SGCZ: variants seen among roughly 807,000 people sequenced by gnomAD.
SGCZ encodes the protein zeta-sarcoglycan.
A neutral mutation model predicts 41.3 loss-of-function variants in SGCZ; 40 were observed. That is an observed-to-expected ratio of 0.97 (90% CI 0.75 to 1.26). The LOEUF (loss-of-function observed/expected upper bound fraction) is 1.26. Ranked by LOEUF, SGCZ falls within the 50% of genes most tolerant of loss-of-function variation. The pLI is 0.00. For synonymous variants in SGCZ, 206 were observed against 137.5 expected (o/e 1.50, Z -3.49); for missense variants, 552 against 369.8 (o/e 1.49, Z -4.04).
At chr8:15,237,378 G>C (rs1418031697) in intron 1 of SGCZ, among the ~76,000 whole-genome samples, 1 of 152,184 alleles carries the variant, frequency 6.6e-6, no homozygotes, top group East Asian at 1.9e-4. Flanking sequence ...GCCCAGCCCG[G>C]GAGTGCAGCC....
chr8:14,136,753 T>A (rs1268281469), intron 5 of SGCZ, among the ~76,000 whole-genome samples: 3 of 152,062 alleles, frequency 2.0e-5, no homozygotes, highest in Admixed American at 6.5e-5. Context: ...AGCAGAAACT[T>A]CTGCAGACTT....
chr8:14,255,709 A>G (rs1799439344), intron 3 of SGCZ, among the ~76,000 whole-genome samples: 1 of 152,134 alleles, frequency 6.6e-6, no homozygotes, highest in South Asian at 2.1e-4. Flanking sequence ...TTAATGAATG[A>G]AAGAGGTTCA....
At chr8:15,219,374 C>A (rs1315607792) in intron 1 of SGCZ, among the ~76,000 whole-genome samples, 1 of 152,120 alleles carries the variant, frequency 6.6e-6, no homozygotes, top group Non-Finnish European at 1.5e-5. Flanking sequence ...TCAATATAAT[C>A]CATACATGTT....
At chr8:15,109,879 T>C (rs896265064) in intron 1 of SGCZ, among the ~76,000 whole-genome samples, 1 of 152,122 alleles carries the variant, frequency 6.6e-6, no homozygotes, top group Non-Finnish European at 1.5e-5. Flanking sequence ...AATAAGGCAA[T>C]CTCTTTATGG....
intron 3 of SGCZ, among the ~76,000 whole-genome samples, chr8:14,295,437 A>G (rs1244841482): frequency 4.6e-5 from 7 of 152,186 alleles, no homozygotes; most frequent in Admixed American, 4.6e-4. Flanking sequence ...AATACAGAGT[A>G]TAATTTACAA....
At chr8:14,302,424 G>T (rs1221173049) in intron 3 of SGCZ, among the ~76,000 whole-genome samples, 2 of 152,098 alleles carry the variant, frequency 1.3e-5, no homozygotes, top group Non-Finnish European at 2.9e-5. Context: ...AGACATAAAT[G>T]AATCAATTTT....
intron 4 of SGCZ, among the ~76,000 whole-genome samples, chr8:14,219,889 T>A (rs1234980572): frequency 1.3e-5 from 2 of 152,226 alleles, no homozygotes; most frequent in African/African-American, 2.4e-5. Flanking sequence ...ACCAGTAGGA[T>A]GCAGAAAATG....
At chr8:14,380,039 T>C (rs1480842090) in intron 2 of SGCZ, among the ~76,000 whole-genome samples, 1 of 152,148 alleles carries the variant, frequency 6.6e-6, no homozygotes, top group African/African-American at 2.4e-5. Flanking sequence ...GCCAAGAATG[T>C]TGTTTTAATC....
At chr8:14,616,065 C>T (rs1469811025) in intron 1 of SGCZ, among the ~76,000 whole-genome samples, 6 of 152,030 alleles carry the variant, frequency 3.9e-5, no homozygotes, top group Admixed American at 3.3e-4. Flanking sequence ...GGGCAGATCA[C>T]GAGGTCAAGA....
chr8:14,253,690 T>G (rs996100213), intron 3 of SGCZ, among the ~76,000 whole-genome samples: 1 of 152,136 alleles, frequency 6.6e-6, no homozygotes, highest in Non-Finnish European at 1.5e-5. Flanking sequence ...CACATGTAAC[T>G]GAGCTATGTC....
intron 4 of SGCZ, among the ~76,000 whole-genome samples, chr8:14,226,779 C>T (rs1806387386): frequency 6.6e-6 from 1 of 152,030 alleles, no homozygotes; most frequent in South Asian, 2.1e-4. Flanking sequence ...AACAGGGAAA[C>T]TGTGTTTTTA....
chr8:14,553,859 A>G (rs1803948406), intron 2 of SGCZ, among the ~76,000 whole-genome samples: 1 of 152,100 alleles, frequency 6.6e-6, no homozygotes, highest in South Asian at 2.1e-4. Context: ...CTGAGGATGC[A>G]GAGTTCTAAA....
At chr8:14,267,461 G>C (rs1041626792) in intron 3 of SGCZ, among the ~76,000 whole-genome samples, 1 of 152,024 alleles carries the variant, frequency 6.6e-6, no homozygotes, top group African/African-American at 2.4e-5. Context: ...TAGTGAACTG[G>C]ACATTAATGG....
At chr8:14,762,536 G>T (rs2130360982) in intron 1 of SGCZ, among the ~76,000 whole-genome samples, 1 of 152,250 alleles carries the variant, frequency 6.6e-6, no homozygotes, top group East Asian at 1.9e-4. Context: ...GAATAGGGAG[G>T]TTTATTACAC....
chr8:14,727,499 A>G (rs1351399717), intron 1 of SGCZ, among the ~76,000 whole-genome samples: 1 of 151,658 alleles, frequency 6.6e-6, no homozygotes, highest in Non-Finnish European at 1.5e-5. Flanking sequence ...GAGAAATGAA[A>G]GCATGTACAA....
chr8:14,551,526 TATATATAATATATATA>T (rs1803838144), intron 2 of SGCZ, among the ~76,000 whole-genome samples: 2 of 3,476 alleles, frequency 5.8e-4, no homozygotes, highest in Non-Finnish European at 1.1e-3. Context: ...TTATATATAA[TATATATAATATATATA>T]ATATATATAA....
At chr8:14,826,065 T>C (rs999894212) in intron 1 of SGCZ, among the ~76,000 whole-genome samples, 2 of 151,036 alleles carry the variant, frequency 1.3e-5, no homozygotes, top group African/African-American at 4.9e-5. Context: ...ATTAGGCATA[T>C]CTCCTAATGC....
intron 1 of SGCZ, among the ~76,000 whole-genome samples, chr8:15,026,872 A>G (rs1384350148): frequency 6.6e-6 from 1 of 152,192 alleles, no homozygotes; most frequent in Non-Finnish European, 1.5e-5. Flanking sequence ...CAGATGAGGT[A>G]GAATATTGAA....
At chr8:14,215,499 G>GAA (rs142831969) in intron 4 of SGCZ, among the ~76,000 whole-genome samples, 15 of 146,160 alleles carry the variant, frequency 1.0e-4, no homozygotes, top group Admixed American at 3.4e-4. Flanking sequence ...AAGGCAGAAA[G>GAA]AAAAAAAAAG....
Sources: allele counts gnomAD v4.1 joint callset (sites outside exome capture counted in the v4.1 genomes callset), GRCh38; gene constraint gnomAD v4.1.1; transcripts MANE v1.5; gene names NCBI Gene and HGNC (gene_info 2026-07-23, HGNC 2026-07-21).